Variants in MGAT4C observed in about 807,000 individuals in gnomAD.
MGAT4C encodes MGAT4 family member C.
MGAT4C carries 19 observed loss-of-function variants against 40.1 expected under a neutral mutation model. That is an observed-to-expected ratio of 0.47 (90% CI 0.33 to 0.70). MGAT4C has a LOEUF of 0.70. Ranked by LOEUF, MGAT4C falls within the 30% of genes least tolerant of loss-of-function variation. The pLI is 0.02. For missense variants in MGAT4C, 491 were observed against 563.2 expected (o/e 0.87, Z 1.30); for synonymous variants, 181 against 187.1 (o/e 0.97, Z 0.27).
intron 4 of MGAT4C, among the ~76,000 whole-genome samples, chr12:86,333,657 G>C (rs1300028135): frequency 6.6e-6 from 1 of 151,700 alleles, no homozygotes; most frequent in African/African-American, 2.4e-5. Context: ...AGAAAAACTG[G>C]GATAATAAAT....
At chr12:86,271,851 AC>A (rs1159087260) in intron 4 of MGAT4C, among the ~76,000 whole-genome samples, 2 of 152,218 alleles carry the variant, frequency 1.3e-5, no homozygotes. Context: ...ATTTGCAGCA[AC>A]AAGGATAGAA....
intron 3 of MGAT4C, among the ~76,000 whole-genome samples, chr12:86,361,148 A>G (rs1592742201): frequency 6.6e-6 from 1 of 152,188 alleles, no homozygotes; most frequent in Non-Finnish European, 1.5e-5. Context: ...ATATAGACCA[A>G]TGGAACAGAA....
chr12:86,672,864 C>T (rs1593100752), intron 2 of MGAT4C, among the ~76,000 whole-genome samples: 1 of 151,678 alleles, frequency 6.6e-6, no homozygotes, highest in East Asian at 1.9e-4. Flanking sequence ...GCAATGTACC[C>T]GGTAACAAAC....
At chr12:86,285,096 C>T (rs1411923371) in intron 4 of MGAT4C, among the ~76,000 whole-genome samples, 1 of 151,900 alleles carries the variant, frequency 6.6e-6, no homozygotes, top group Admixed American at 6.6e-5. Flanking sequence ...TGAGATCAAA[C>T]ACATTTAAAT....
intron 2 of MGAT4C, among the ~76,000 whole-genome samples, chr12:86,461,409 T>C (rs535406174): frequency 0.013 from 1,968 of 151,676 alleles, 20 homozygotes; most frequent in African/African-American, 0.023. Context: ...CCGCGCCCGG[T>C]TAATTTTTTG....
chr12:86,541,764 G>T (rs1182963917), intron 2 of MGAT4C, among the ~76,000 whole-genome samples: 1 of 152,046 alleles, frequency 6.6e-6, no homozygotes, highest in Non-Finnish European at 1.5e-5. Context: ...TTCAACCATG[G>T]ATGTCAACAT....
intron 2 of MGAT4C, among the ~76,000 whole-genome samples, chr12:86,497,638 A>G (rs968030199): frequency 1.3e-5 from 2 of 151,634 alleles, no homozygotes; most frequent in Admixed American, 6.6e-5. Context: ...TTCTCATAAT[A>G]CCAGATAACT....
intron 2 of MGAT4C, among the ~76,000 whole-genome samples, chr12:85,991,332 T>C (rs1885908720): frequency 6.6e-6 from 1 of 152,116 alleles, no homozygotes; most frequent in South Asian, 2.1e-4. Context: ...GCATGCCAAC[T>C]GATCCATGGA....
intron 1 of MGAT4C, among the ~76,000 whole-genome samples, chr12:86,158,848 TAG>T (rs1491245029): frequency 2.0e-5 from 3 of 152,166 alleles, no homozygotes; most frequent in Non-Finnish European, 2.9e-5. Flanking sequence ...TAGACGGTGT[TAG>T]TGTGTGGAAA....
intron 1 of MGAT4C, among the ~76,000 whole-genome samples, chr12:86,735,675 TG>T (rs1241133584): frequency 2.0e-5 from 3 of 151,902 alleles, no homozygotes; most frequent in Admixed American, 6.6e-5. Flanking sequence ...AGTTATACTG[TG>T]AAGAAGTTAT....
rs1883218836 is a variant in MGAT4C at position 85,963,556 on chromosome 12, A to G, written c.*15733T>C. 6.6e-6 allele frequency: 1 copy of G among 152,016 alleles called. No individual in the cohort carries two copies. The highest frequency in any genetic ancestry group is 1.9e-4 in the East Asian group (1 of 5,196). The allele number at this position is 152,016 out of a possible 1,614,324, so 9.4% of individuals were successfully genotyped here. A position where few individuals can be genotyped will look rare whatever the true frequency, so the allele number is the denominator to read the frequency against. ...TAAATACCAAGTCAAATACCTTTGA[A>G]TTTGATTCTTAACAAATCTTTGTGG... On this transcript the variant is annotated 3_prime_UTR_variant, in exon 5 of 5. Transcript: ENST00000611864.
intron 2 of MGAT4C, among the ~76,000 whole-genome samples, chr12:86,507,341 T>A (rs529174624): frequency 1.3e-5 from 2 of 152,154 alleles, no homozygotes; most frequent in Admixed American, 1.3e-4. Flanking sequence ...TCCATTCCAC[T>A]AATATTGAGC....
chr12:86,696,055 C>G (rs1044523858), intron 2 of MGAT4C, among the ~76,000 whole-genome samples: 5 of 151,232 alleles, frequency 3.3e-5, no homozygotes, highest in African/African-American at 9.7e-5. Context: ...ACTAAAAATA[C>G]AAAAAAATTA....
intron 3 of MGAT4C, among the ~76,000 whole-genome samples, chr12:86,358,289 T>A (rs1955365634): frequency 6.6e-6 from 1 of 152,162 alleles, no homozygotes. Flanking sequence ...TGAGATTTTG[T>A]CACCACCAGG....
At chr12:86,108,270 A>T (rs1355058633) in intron 1 of MGAT4C, among the ~76,000 whole-genome samples, 2 of 152,066 alleles carry the variant, frequency 1.3e-5, no homozygotes, top group African/African-American at 2.4e-5. Flanking sequence ...TAAAATAGAG[A>T]TTATAAGACT....
chr12:86,626,446 A>G (rs1030541996), intron 2 of MGAT4C, among the ~76,000 whole-genome samples: 1 of 152,144 alleles, frequency 6.6e-6, no homozygotes, highest in Non-Finnish European at 1.5e-5. Context: ...CAACCTTAAT[A>G]TGTTCTGATT....
chr12:86,096,447 A>G (rs189152154), intron 1 of MGAT4C, among the ~76,000 whole-genome samples: 185 of 109,326 alleles, frequency 1.7e-3, no homozygotes, highest in African/African-American at 6.3e-3. Flanking sequence ...TCTTTCTTTC[A>G]TATTAAAAAA....
intron 2 of MGAT4C, among the ~76,000 whole-genome samples, chr12:86,029,795 G>A (rs1005326026): frequency 2.6e-5 from 4 of 151,784 alleles, no homozygotes; most frequent in South Asian, 4.1e-4. Context: ...CTCTTTATTC[G>A]TTGATGAATG....
chr12:86,752,915 T>C (rs1013421061), intron 1 of MGAT4C, among the ~76,000 whole-genome samples: 6 of 152,134 alleles, frequency 3.9e-5, no homozygotes, highest in African/African-American at 1.2e-4. Flanking sequence ...AAATGGATCA[T>C]AGACCTAAAT....
Sources: allele counts gnomAD v4.1 joint callset (sites outside exome capture counted in the v4.1 genomes callset), GRCh38; gene constraint gnomAD v4.1.1; transcripts MANE v1.5; gene names NCBI Gene and HGNC (gene_info 2026-07-23, HGNC 2026-07-21).